The following RADIL variants were observed in gnomAD, a reference collection of about 807,000 sequenced individuals.
RADIL encodes Rap associating with DIL domain.
In RADIL, 99 loss-of-function variants were observed where a neutral mutation model predicts 97.6. The ratio of observed to expected loss-of-function variants is 1.01; its 90% CI spans 0.86 to 1.20. The LOEUF (loss-of-function observed/expected upper bound fraction) is 1.20. RADIL is among the 50% of genes most tolerant of loss of function. The pLI is 0.00. For synonymous variants in RADIL, 803 were observed against 691.8 expected (o/e 1.16, Z -2.52); for missense variants, 1,765 against 1,498.9 (o/e 1.18, Z -2.93).
At chr7:4,848,682 TA>T (rs968843206) in intron 2 of RADIL, among the ~76,000 whole-genome samples, 19 of 151,566 alleles carry the variant, frequency 1.3e-4, no homozygotes, top group South Asian at 4.2e-4. Context: ...ATTATTAATT[TA>T]AAAAAAAACA....
intron 2 of RADIL, among the ~76,000 whole-genome samples, chr7:4,850,574 T>C (rs1018217606): frequency 6.6e-6 from 1 of 152,210 alleles, no homozygotes; most frequent in African/African-American, 2.4e-5. Flanking sequence ...ACGTGTGTGA[T>C]GCCAGGGCAG....
In RADIL at chr7:4,834,452, G is replaced by A. The variant is rs428109; in HGVS notation, c.1416+155C>T. On this transcript the variant is annotated intron_variant, in intron 4 of 14. Coordinates refer to ENST00000399583, the MANE Select transcript of RADIL (RefSeq NM_018059.5). This position sits in a 1 kb window ranked among gnomAD's most constrained non-coding sequence, Gnocchi z 6.0. Reference sequence around the variant, plus strand: ...TTCTGGTGGCCTGTGGGGCTGGGGGGCAGCGACAGGCAGGGAAAGGCCGCC... The same window carrying A: ...TTCTGGTGGCCTGTGGGGCTGGGGGACAGCGACAGGCAGGGAAAGGCCGCC... 6.6e-6 allele frequency among the ~76,000 whole-genome samples: 1 copy of A among 152,156 alleles called. No individual in the cohort carries two copies. Among genetic ancestry groups the A allele is most frequent in the South Asian group, 2.1e-4 (1 of 4,830 alleles).
At position 4,813,947 on chromosome 7, in the gene RADIL, C is replaced by A. The variant is rs929598369; in HGVS notation, c.2139+1331G>T. ...GGGTTGCTTCTCAGGAGTCAGATTG[C>A]TTTTTTCTTTTTTGTAGAGATGGGG... On this transcript the variant is annotated intron_variant, in intron 9 of 14. Transcript: ENST00000399583. The surrounding 1 kb of genome is among the most constrained non-coding windows in gnomAD (Gnocchi z 5.0). Among the ~76,000 whole-genome samples, 1 of 152,096 alleles carries A rather than the reference C, an allele frequency of 6.6e-6. No homozygotes were observed. Among genetic ancestry groups the A allele is most frequent in the African/African-American group, 2.4e-5 (1 of 41,390 alleles).
rs1782869400 is a variant in RADIL at position 4,822,734 on chromosome 7, A to G, written c.1455-180T>C. Among the ~76,000 whole-genome samples the G allele has an allele frequency of 6.6e-6, 1 of 152,162 alleles. No individual in the cohort carries two copies. The highest frequency in any genetic ancestry group is 1.9e-4 in the East Asian group (1 of 5,186). The stretch of plus-strand genomic sequence containing the variant: ...ACGTGTACCCGCCTGGCACCTGCCT[A>G]CAACACCCGACAGCCAGAGGACCCT... On this transcript the variant is annotated intron_variant, in intron 5 of 14. Coordinates refer to ENST00000399583, the MANE Select transcript of RADIL (RefSeq NM_018059.5). This position sits in a 1 kb window ranked among gnomAD's most constrained non-coding sequence, Gnocchi z 5.3.
rs764939989 is a variant in RADIL, at chr7:4,800,151, G to C, written c.2982+20C>G. On this transcript the variant is annotated intron_variant, in intron 13 of 14. Coordinates refer to ENST00000399583, the MANE Select transcript of RADIL (RefSeq NM_018059.5). Reference sequence around the variant, plus strand: ...CAGGCAGCCAGTATGGGGGTGCGGCGAGGGTCCTGGGCCACTCACCATCCC... The same window carrying C: ...CAGGCAGCCAGTATGGGGGTGCGGCCAGGGTCCTGGGCCACTCACCATCCC... 1 of 1,583,014 alleles carries C rather than the reference G, an allele frequency of 6.3e-7. No individual in the cohort carries two copies. The highest frequency in any genetic ancestry group is 1.7e-5 in the Admixed American group (1 of 58,210).
At chr7:4,864,673 C>T (rs536819626) in intron 2 of RADIL, among the ~76,000 whole-genome samples, 2 of 152,338 alleles carry the variant, frequency 1.3e-5, no homozygotes, top group South Asian at 4.1e-4. Context: ...GGACACCTCC[C>T]TGTTTTGCAT....
intron 5 of RADIL, among the ~76,000 whole-genome samples, chr7:4,829,433 A>G (rs116162233): frequency 6.6e-6 from 1 of 152,194 alleles, no homozygotes; most frequent in African/African-American, 2.4e-5. Flanking sequence ...TGGGGACTCC[A>G]GGTCAGTGGT....
intron 2 of RADIL, among the ~76,000 whole-genome samples, chr7:4,868,457 AG>A (rs1784179588): frequency 6.6e-6 from 1 of 152,142 alleles, no homozygotes; most frequent in African/African-American, 2.4e-5. Flanking sequence ...CTTGTACTAG[AG>A]GGTGCAAAGC....
rs1432090449 is a variant in RADIL at position 4,835,287 on chromosome 7, G to A, written c.784-48C>T. On this transcript the variant is annotated intron_variant, in intron 3 of 14. Transcript: ENST00000399583. The surrounding 1 kb of genome is among the most constrained non-coding windows in gnomAD (Gnocchi z 5.8). ...GGCAGGCGTAACGCGAGCAGCACAC[G>A]GGAAAAGCGTCCCGTGTCTAGTCAC... 3.2e-6 allele frequency: 5 copies of A among 1,585,354 alleles called. No homozygotes were observed. The highest frequency in any genetic ancestry group is 1.3e-5 in the African/African-American group (1 of 74,484).
rs547021537 is a variant in RADIL at position 4,803,405 on chromosome 7, C to A, written c.2499+141G>T. The stretch of plus-strand genomic sequence containing the variant: ...CCCCCTCCCCGGGCACCTCGGGGCA[C>A]ACTGGCTGGGCCCCCTCCCCGGGCA... On this transcript the variant is annotated intron_variant, in intron 11 of 14. Coordinates refer to ENST00000399583, the MANE Select transcript of RADIL (RefSeq NM_018059.5). The A allele has an allele frequency of 2.2e-3, 1,484 of 678,964 alleles. 10 individuals carry two copies. The highest frequency in any genetic ancestry group is 2.8e-3 in the Non-Finnish European group (1,268 of 450,972). The allele number at this position is 678,964 out of a possible 1,614,324, so 42.1% of individuals were successfully genotyped here.
At chr7:4,801,190 ACC>A (rs1384489619) in intron 12 of RADIL, among the ~76,000 whole-genome samples, 2 of 151,976 alleles carry the variant, frequency 1.3e-5, no homozygotes, top group African/African-American at 4.8e-5. Context: ...AGATGCACAC[ACC>A]CATGCACACA....
At chr7:4,851,337 G>A (rs1279958106) in intron 2 of RADIL, among the ~76,000 whole-genome samples, 2 of 152,220 alleles carry the variant, frequency 1.3e-5, no homozygotes, top group African/African-American at 2.4e-5. Flanking sequence ...AGGACTCTGA[G>A]AAGCAGGATG....
At chr7:4,876,458 G>A (rs1177667732) in intron 2 of RADIL, among the ~76,000 whole-genome samples, 1 of 151,874 alleles carries the variant, frequency 6.6e-6, no homozygotes, top group Non-Finnish European at 1.5e-5. Context: ...CTGCCACCAC[G>A]CCCGGCTAAT....
intron 2 of RADIL, among the ~76,000 whole-genome samples, chr7:4,862,869 C>A (rs1784049787): frequency 6.6e-6 from 1 of 151,450 alleles, no homozygotes; most frequent in Admixed American, 6.6e-5. Flanking sequence ...TGCACTCCAG[C>A]CTGGGCAACA....
At chr7:4,875,685 G>A (rs991296579) in intron 2 of RADIL, among the ~76,000 whole-genome samples, 6 of 152,214 alleles carry the variant, frequency 3.9e-5, no homozygotes, top group African/African-American at 7.2e-5. Context: ...AAGAATGACC[G>A]AAATTCTGTG....
At chr7:4,875,194 A>T (rs1784346012) in intron 2 of RADIL, among the ~76,000 whole-genome samples, 2 of 2,912 alleles carry the variant, frequency 6.9e-4, no homozygotes, top group Admixed American at 4.6e-3. Context: ...TCCATCTCCA[A>T]CAACAACAAC....
At chr7:4,841,184 T>C (rs1371437460) in intron 2 of RADIL, among the ~76,000 whole-genome samples, 2 of 152,206 alleles carry the variant, frequency 1.3e-5, no homozygotes, top group Non-Finnish European at 1.5e-5. Flanking sequence ...GCCTACCCCA[T>C]GTGAGGGACA....
intron 2 of RADIL, among the ~76,000 whole-genome samples, chr7:4,848,314 G>A (rs1032761314): frequency 9.9e-5 from 15 of 150,890 alleles, no homozygotes; most frequent in East Asian, 1.9e-4. Flanking sequence ...ACTAAAAACA[G>A]GTAATTTTAT....
At chr7:4,870,174 G>A (rs2115044084) in intron 2 of RADIL, among the ~76,000 whole-genome samples, 1 of 152,230 alleles carries the variant, frequency 6.6e-6, no homozygotes, top group East Asian at 1.9e-4. Flanking sequence ...CAAAAACAAA[G>A]ATGGACACCA....
Sources: gnomAD v4.1 joint callset for allele counts (sites outside exome capture counted in the v4.1 genomes callset) on GRCh38, gnomAD v4.1.1 for gene constraint, Gnocchi (gnomAD v3.1) non-coding constraint, MANE v1.5 for transcripts, NCBI Gene and HGNC (gene_info 2026-07-23, HGNC 2026-07-21) for gene names.